Variants in ATG7 observed in about 807,000 individuals in gnomAD.
The protein encoded by ATG7 is ubiquitin-like modifier-activating enzyme ATG7.
Under a neutral mutation model 82.4 loss-of-function variants are expected in ATG7, and 70 were observed. The ratio of observed to expected loss-of-function variants is 0.85; its 90% CI spans 0.70 to 1.04. The LOEUF is 1.04. Among genes scored for constraint, ATG7 ranks in the 50% least tolerant of loss-of-function variants. The pLI is 0.00. For missense variants in ATG7, 792 were observed against 864.3 expected (o/e 0.92, Z 1.05); for synonymous variants, 287 against 313.0 (o/e 0.92, Z 0.88).
At chr3:11,312,469 G>C (rs1217432067) in intron 7 of ATG7, among the ~76,000 whole-genome samples, 1 of 152,202 alleles carries the variant, frequency 6.6e-6, no homozygotes, top group East Asian at 1.9e-4. Flanking sequence ...GGATCGGTCA[G>C]ATATACCCGT....
chr3:11,274,025 A>G (rs1280063275), intron 1 of ATG7, among the ~76,000 whole-genome samples: 1 of 152,002 alleles, frequency 6.6e-6, no homozygotes, highest in Non-Finnish European at 1.5e-5. Flanking sequence ...GGTGTGTGTC[A>G]CCTATAGCCC....
chr3:11,309,068 A>G lies in ATG7; in HGVS notation c.411+7A>G, dbSNP rs536450755. The stretch of plus-strand genomic sequence containing the variant: ...CCTCCTCTTGACATTTGCAGTAAGT[A>G]AATGGGCTCTCGGTTGCACCGAGGT... On this transcript the variant is annotated splice_region_variant and intron_variant, in intron 7 of 20. Coordinates refer to ENST00000693202, the MANE Select transcript of ATG7 (RefSeq NM_001349232.2). 1 of 1,611,836 alleles carries G rather than the reference A, an allele frequency of 6.2e-7. No individual in the cohort carries two copies. Among genetic ancestry groups the G allele is most frequent in the South Asian group, 1.1e-5 (1 of 91,038 alleles).
chr3:11,358,394 A>G, intron 14 of ATG7, 24 bp from the exon 15 acceptor site: 1 of 1,600,624 alleles, frequency 6.2e-7, no homozygotes, highest in South Asian at 1.1e-5. Context: ...CTCCAGACAT[A>G]ACTACGTCCT....
chr3:11,352,455 T>C (rs2075631741), intron 14 of ATG7, among the ~76,000 whole-genome samples: 1 of 152,218 alleles, frequency 6.6e-6, no homozygotes, highest in Admixed American at 6.5e-5. Context: ...TAAACTAGTT[T>C]ACAGTCCCAC....
At chr3:11,361,694 G>C (rs1380138159) in intron 16 of ATG7, among the ~76,000 whole-genome samples, 1 of 152,084 alleles carries the variant, frequency 6.6e-6, no homozygotes, top group Non-Finnish European at 1.5e-5. Context: ...ATTCTCCCTA[G>C]CAATGCTAAT....
chr3:11,308,908 G>A, intron 6 of ATG7, 76 bp from the exon 7 acceptor site: 1 of 1,362,804 alleles, frequency 7.3e-7, no homozygotes, highest in South Asian at 1.2e-5. Flanking sequence ...GTGCTTTTCA[G>A]CTCCACACTT....
chr3:11,426,569 C>T (rs1219881003), intron 19 of ATG7, among the ~76,000 whole-genome samples: 2 of 152,102 alleles, frequency 1.3e-5, no homozygotes, highest in African/African-American at 2.4e-5. Flanking sequence ...ATGAAACTTA[C>T]TTTGAGAAAA....
Position 11,532,809 on chromosome 3 carries a change from C to T in ATG7, c.2080-22002C>T, listed in dbSNP as rs571469586. Reference sequence around the variant, plus strand: ...CTTGTGGCAAGGATGGGTCTAGATACTGCATGAGATGTCGTTAGCATGGTG... The same window carrying T: ...CTTGTGGCAAGGATGGGTCTAGATATTGCATGAGATGTCGTTAGCATGGTG... On this transcript the variant is annotated intron_variant, in intron 20 of 20. Coordinates refer to ENST00000693202, the MANE Select transcript of ATG7 (RefSeq NM_001349232.2). Among the ~76,000 whole-genome samples, 6 of 152,340 alleles carry T rather than the reference C, an allele frequency of 3.9e-5. No homozygotes were observed. In the East Asian group the frequency reaches 5.8e-4, roughly 15 times the overall value.
chr3:11,428,387 C>T (rs1419569227), intron 20 of ATG7, among the ~76,000 whole-genome samples: 1 of 48,456 alleles, frequency 2.1e-5, no homozygotes, highest in African/African-American at 6.4e-5. Flanking sequence ...GAGGTTTGAG[C>T]AGATTGTGAG....
At chr3:11,566,549 C>T in the ATG7 span, among the ~76,000 whole-genome samples, 1 of 152,194 alleles carries the variant, frequency 6.6e-6, no homozygotes, top group Admixed American at 6.5e-5. Context: ...ACCACCTTCC[C>T]GTCCTCATCT....
At chr3:11,485,994 C>G (rs2089590429) in intron 20 of ATG7, among the ~76,000 whole-genome samples, 1 of 152,164 alleles carries the variant, frequency 6.6e-6, no homozygotes. Context: ...CAGCTTTGCT[C>G]TTTTGGCTTA....
rs377460464 is a variant in ATG7 at position 11,518,348 on chromosome 3, C to T, written c.2080-36463C>T. Among the ~76,000 whole-genome samples the T allele has an allele frequency of 5.3e-5, 8 of 152,184 alleles. No homozygotes were observed. In the East Asian group the frequency reaches 1.2e-3, roughly 22 times the overall value. On this transcript the variant is annotated intron_variant, in intron 20 of 20. Transcript: ENST00000693202. ...GATCACAAGGTCAAAGAGATCGAGA[C>T]CAGCTTGGCCAACAATGGTGAAACC... is the stretch of plus-strand genomic sequence containing the variant.
intron 20 of ATG7, among the ~76,000 whole-genome samples, chr3:11,515,297 C>CGTGTGTGTAT (rs1553704989): frequency 2.0e-5 from 3 of 151,216 alleles, no homozygotes; most frequent in East Asian, 2.0e-4. Flanking sequence ...GTCTCTTGCG[C>CGTGTGTGTAT]GTGTGTGTGT....
intron 20 of ATG7, among the ~76,000 whole-genome samples, chr3:11,431,340 G>A (rs1230183445): frequency 2.0e-5 from 3 of 152,262 alleles, no homozygotes; most frequent in African/African-American, 7.2e-5. Context: ...GGTGGAGGCT[G>A]CAGTGAGCTG....
At chr3:11,503,984 G>A (rs1170807890) in intron 20 of ATG7, among the ~76,000 whole-genome samples, 1 of 151,876 alleles carries the variant, frequency 6.6e-6, no homozygotes, top group Non-Finnish European at 1.5e-5. Context: ...ATAGAAAACA[G>A]GCCAGAAAAA....
intron 20 of ATG7, among the ~76,000 whole-genome samples, chr3:11,521,438 G>A (rs1400841401): frequency 6.6e-6 from 1 of 152,164 alleles, no homozygotes. Flanking sequence ...CTGGGGAAAA[G>A]GCGCATCGCA....
At chr3:11,534,851 T>A (rs753844917) in intron 20 of ATG7, among the ~76,000 whole-genome samples, 1 of 152,180 alleles carries the variant, frequency 6.6e-6, no homozygotes, top group Non-Finnish European at 1.5e-5. Context: ...TCAGCTCAGC[T>A]CTTCTTCCCC....
intron 9 of ATG7, among the ~76,000 whole-genome samples, chr3:11,320,471 A>G (rs1378412487): frequency 6.6e-6 from 1 of 152,028 alleles, no homozygotes; most frequent in Admixed American, 6.6e-5. Flanking sequence ...TATCTTTAGT[A>G]GAGATGGGGT....
rs569982376 is a variant in ATG7 at position 11,313,190 on chromosome 3, T to G, written c.412-114T>G. Reference sequence around the variant, plus strand: ...AGGATATTTGATAAGCTGGACAGACTTTGTTTGCATAGCTTTGCTATCTTA... The same window carrying G: ...AGGATATTTGATAAGCTGGACAGACGTTGTTTGCATAGCTTTGCTATCTTA... On this transcript the variant is annotated intron_variant, in intron 7 of 20. Coordinates refer to ENST00000693202, the MANE Select transcript of ATG7 (RefSeq NM_001349232.2). The G allele has an allele frequency of 8.3e-6, 5 of 601,028 alleles. No individual in the cohort carries two copies. The East Asian group carries it at 8.9e-5, about 11-fold the overall frequency. The allele number at this position is 601,028 out of a possible 1,614,324, so 37.2% of individuals were successfully genotyped here.
Sources: gnomAD v4.1 joint callset for allele counts (sites outside exome capture counted in the v4.1 genomes callset) on GRCh38, gnomAD v4.1.1 for gene constraint, MANE v1.5 for transcripts, NCBI Gene and HGNC (gene_info 2026-07-23, HGNC 2026-07-21) for gene names.